The following ZNF93 variants were observed in gnomAD, a reference collection of about 807,000 sequenced individuals.
ZNF93 encodes the protein zinc finger protein 93.
ZNF93 carries 29 observed loss-of-function variants against 45.0 expected under a neutral mutation model. The observed-to-expected ratio is 0.64, with a 90% CI of 0.48 to 0.88. ZNF93 has a LOEUF of 0.88. Ranked by LOEUF, ZNF93 falls within the 40% of genes least tolerant of loss-of-function variation. The pLI is 0.00. For synonymous variants in ZNF93, 223 were observed against 244.6 expected (o/e 0.91, Z 0.82); for missense variants, 578 against 724.0 (o/e 0.80, Z 2.31).
chr19:19,903,178 A>G (rs7246569), intron 1 of ZNF93, among the ~76,000 whole-genome samples: 66,337 of 152,146 alleles, frequency 0.44, 19,422 homozygotes, highest in African/African-American at 0.82. Flanking sequence ...CTAACTCTAA[A>G]ATCTTTATGG....
chr19:19,903,029 G>A (rs977530690), intron 1 of ZNF93, among the ~76,000 whole-genome samples: 15 of 152,076 alleles, frequency 9.9e-5, no homozygotes, highest in African/African-American at 3.6e-4. Context: ...GTGAGCCACC[G>A]CGCCCGGCCT....
chr19:19,934,111 A>G lies in ZNF93; in HGVS notation c.1156A>G (p.Arg386Gly). 1 of 1,610,942 alleles carries G rather than the reference A, an allele frequency of 6.2e-7. No homozygotes were observed. The highest frequency in any genetic ancestry group is 8.5e-7 in the Non-Finnish European group (1 of 1,179,398). Residue 386 changes from arginine to glycine, a missense_variant, in exon 4 of 4, where the codon AGA becomes GGA. Around this residue, in one of 3 missense-constraint regions of ZNF93, gnomAD observed 446 missense variants for 547.6 expected, o/e 0.81. Transcript: ENST00000343769. Reference sequence around the variant, plus strand: ...CTTCATTTGGTCCTCAGTCCTAACTAGACATAAGAGAGTTCATACTGGAGA... The same window carrying G: ...CTTCATTTGGTCCTCAGTCCTAACTGGACATAAGAGAGTTCATACTGGAGA... ...KAFIWSSVLT[R>G]HKRVHTGEKP... is the part of the protein sequence containing the mutation.
At chr19:19,923,325 G>A (rs949852781) in intron 3 of ZNF93, among the ~76,000 whole-genome samples, 6 of 152,194 alleles carry the variant, frequency 3.9e-5, no homozygotes, top group South Asian at 2.1e-4. Flanking sequence ...GTACCCGGCC[G>A]TGTGAGGTGT....
At chr19:19,922,476 T>G (rs2063344761) in intron 3 of ZNF93, among the ~76,000 whole-genome samples, 1 of 152,218 alleles carries the variant, frequency 6.6e-6, no homozygotes, top group South Asian at 2.1e-4. Flanking sequence ...TGAATTTGAA[T>G]GTTGGGCTGC....
intron 1 of ZNF93, among the ~76,000 whole-genome samples, chr19:19,913,903 G>A (rs796650917): frequency 6.6e-6 from 1 of 152,254 alleles, no homozygotes; most frequent in African/African-American, 2.4e-5. Context: ...ACTGCCATGC[G>A]TTTAGTACTC....
intron 3 of ZNF93, among the ~76,000 whole-genome samples, chr19:19,930,989 A>G (rs1017584184): frequency 5.3e-5 from 8 of 151,626 alleles, no homozygotes; most frequent in Non-Finnish European, 8.8e-5. Context: ...ACCTTACTCA[A>G]TTGTGGTTGC....
chr19:19,915,847 A>G (rs954427272), intron 2 of ZNF93, among the ~76,000 whole-genome samples: 2 of 152,164 alleles, frequency 1.3e-5, no homozygotes, highest in African/African-American at 4.8e-5. Flanking sequence ...TTCTCGAGAA[A>G]AAAACAAAAA....
chr19:19,913,576 CAG>C (rs2063315522), intron 1 of ZNF93, among the ~76,000 whole-genome samples: 1 of 152,066 alleles, frequency 6.6e-6, no homozygotes, highest in Admixed American at 6.6e-5. Context: ...GTGTCTATGG[CAG>C]GGGAGGGCAC....
At chr19:19,903,917 A>T (rs1599564777) in intron 1 of ZNF93, among the ~76,000 whole-genome samples, 3 of 152,016 alleles carry the variant, frequency 2.0e-5, no homozygotes, top group African/African-American at 7.2e-5. Flanking sequence ...CTACAAATAC[A>T]AAAACTAGGC....
At position 19,934,654 on chromosome 19, in the gene ZNF93, T is replaced by C. The variant is rs778436405; in HGVS notation, c.1699T>C (p.Cys567Arg). Residue 567 changes from cysteine to arginine, a missense_variant, in exon 4 of 4, where the codon TGT becomes CGT. This residue lies in a region of ZNF93 where 119 missense variants were observed against 123.1 expected (regional missense o/e 0.97). Transcript: ENST00000343769. Reference sequence around the variant, plus strand: ...TCATACTGGAGAGAAACCTTATAGATGTAGAGAATGTGGCAAAGCTTTTAA... The same window carrying C: ...TCATACTGGAGAGAAACCTTATAGACGTAGAGAATGTGGCAAAGCTTTTAA... Reference protein sequence around the residue: ...ILHTGEKPYRCRECGKAFNHS... With the variant: ...ILHTGEKPYRRRECGKAFNHS... 6.2e-6 allele frequency: 10 copies of C among 1,613,776 alleles called. No individual in the cohort carries two copies. The East Asian group carries it at 1.6e-4, about 25-fold the overall frequency.
intron 2 of ZNF93, 34 bp from the exon 3 acceptor site, chr19:19,916,526 G>C (rs1466860744): frequency 1.3e-6 from 2 of 1,555,842 alleles, no homozygotes; most frequent in African/African-American, 2.7e-5. Context: ...GAGAATATGA[G>C]CAAGATTCAT....
chr19:19,911,755 C>CT (rs879618250), intron 1 of ZNF93, among the ~76,000 whole-genome samples: 89 of 144,164 alleles, frequency 6.2e-4, no homozygotes, highest in East Asian at 3.4e-3. Flanking sequence ...GTTATAAATT[C>CT]TTTTTTTTTT....
At chr19:19,922,665 C>G (rs1194463248) in intron 3 of ZNF93, among the ~76,000 whole-genome samples, 4 of 152,112 alleles carry the variant, frequency 2.6e-5, no homozygotes, top group Admixed American at 6.6e-5. Flanking sequence ...CTAAACTTCC[C>G]TTCTCGCTTC....
chr19:19,915,343 A>G lies in ZNF93; in HGVS notation c.67A>G (p.Thr23Ala), dbSNP rs2063320561. The G allele has an allele frequency of 1.2e-6, 2 of 1,614,052 alleles. No individual in the cohort carries two copies. The highest frequency in any genetic ancestry group is 1.7e-6 in the Non-Finnish European group (2 of 1,180,016). Residue 23 changes from threonine (T) to alanine (A), a missense_variant, in exon 2 of 4, where the codon ACT becomes GCT. Thr to Ala is a moderately conservative substitution (Grantham distance 58). Transcript: ENST00000343769. ...TCTGGAGGAGTGGCATTGCCTGGAC[A>G]CTGCACAGCGGAATCTATATAGGAA... ...FSLEEWHCLDTAQRNLYRNVM... is the reference protein window; with the variant it reads ...FSLEEWHCLDAAQRNLYRNVM...
intron 3 of ZNF93, among the ~76,000 whole-genome samples, chr19:19,921,059 G>C (rs556604769): frequency 3.4e-4 from 52 of 152,170 alleles, no homozygotes; most frequent in African/African-American, 1.2e-3. Context: ...GATCTTTCCT[G>C]CTTTCTCTTG....
In ZNF93 at chr19:19,915,262, T is replaced by C. The variant is rs1219975141; in HGVS notation, c.4-18T>C. On this transcript the variant is annotated intron_variant, in intron 1 of 3. Transcript: ENST00000343769. ...CACCCATGGCCACTTGGTGAAAATG[T>C]GTGTGTGTGTTTTTCAGGGACCATT... The C allele has an allele frequency of 1.9e-6, 3 of 1,613,392 alleles. No homozygotes were observed. Among genetic ancestry groups the C allele is most frequent in the Non-Finnish European group, 2.5e-6 (3 of 1,179,570 alleles).
At chr19:19,904,813 A>C (rs1206006671) in intron 1 of ZNF93, among the ~76,000 whole-genome samples, 3 of 152,080 alleles carry the variant, frequency 2.0e-5, no homozygotes, top group Non-Finnish European at 4.4e-5. Context: ...ACTTAGAGAA[A>C]ATGAGCTCTG....
intron 1 of ZNF93, among the ~76,000 whole-genome samples, chr19:19,901,841 C>T (rs28508418): frequency 0.078 from 11,832 of 152,148 alleles, 973 homozygotes; most frequent in African/African-American, 0.21. Flanking sequence ...CCTGTAATCC[C>T]AGCACTTTGT....
intron 3 of ZNF93, among the ~76,000 whole-genome samples, chr19:19,922,967 A>G (rs60268223): frequency 0.1 from 15,480 of 152,108 alleles, 1,539 homozygotes; most frequent in African/African-American, 0.26. Context: ...GCTTTGTTCC[A>G]TTGCTGGTGA....
Sources: gnomAD v4.1 joint callset for allele counts (sites outside exome capture counted in the v4.1 genomes callset) on GRCh38, gnomAD v4.1.1 for gene constraint, gnomAD v4.1.1 regional missense constraint, MANE v1.5 for transcripts, NCBI Gene and HGNC (gene_info 2026-07-23, HGNC 2026-07-21) for gene names.